The following DOCK3 variants were observed in gnomAD, a reference collection of about 807,000 sequenced individuals.
DOCK3 encodes dedicator of cytokinesis protein 3.
In DOCK3, 60 loss-of-function variants were observed where a neutral mutation model predicts 265.6. That is an observed-to-expected ratio of 0.23 (90% CI 0.18 to 0.28). The LOEUF (loss-of-function observed/expected upper bound fraction) is 0.28, where lower values mean the gene tolerates loss of function less well. DOCK3 is among the 10% of genes least tolerant of loss of function. DOCK3 has a pLI of 1.00. For missense variants in DOCK3, 1,981 were observed against 2,594.3 expected (o/e 0.76, Z 5.14); for synonymous variants, 881 against 938.0 (o/e 0.94, Z 1.11).
intron 5 of DOCK3, among the ~76,000 whole-genome samples, chr3:50,941,537 A>G (rs952943146): frequency 1.3e-5 from 2 of 152,118 alleles, no homozygotes; most frequent in South Asian, 2.1e-4. Flanking sequence ...TACTTAATAT[A>G]TGACCCAGCC....
chr3:51,251,943 A>G (rs141407684), intron 22 of DOCK3, among the ~76,000 whole-genome samples: 1,854 of 152,272 alleles, frequency 0.012, 30 homozygotes, highest in African/African-American at 0.042. Flanking sequence ...GCCCATGTCT[A>G]TGTCCTGAAT....
intron 4 of DOCK3, among the ~76,000 whole-genome samples, chr3:50,898,189 T>C (rs2048985486): frequency 6.6e-6 from 1 of 150,398 alleles, no homozygotes; most frequent in African/African-American, 2.5e-5. Context: ...ATTCGACTTC[T>C]TCCTGGTTTA....
chr3:50,949,937 C>T (rs2076544563), intron 5 of DOCK3, among the ~76,000 whole-genome samples: 1 of 150,754 alleles, frequency 6.6e-6, no homozygotes, highest in Non-Finnish European at 1.5e-5. Flanking sequence ...TTATCTCTTT[C>T]TACACTTTTG....
chr3:50,826,126 T>C (rs1282315370), intron 2 of DOCK3, among the ~76,000 whole-genome samples: 1 of 152,090 alleles, frequency 6.6e-6, no homozygotes, highest in Non-Finnish European at 1.5e-5. Flanking sequence ...CATTTCCTTA[T>C]AGATCTGTAT....
intron 10 of DOCK3, among the ~76,000 whole-genome samples, chr3:51,154,002 T>G (rs2085732729): frequency 6.6e-6 from 1 of 152,350 alleles, no homozygotes; most frequent in Middle Eastern, 3.4e-3. Flanking sequence ...GTCACTGACC[T>G]TGCTTATGGT....
At chr3:51,064,670 T>C in intron 6 of DOCK3, 74 bp downstream of exon 6, 1 of 1,532,454 alleles carries the variant, frequency 6.5e-7, no homozygotes, top group Non-Finnish European at 8.9e-7. Context: ...TTTGCACCTA[T>C]ACAAAGCTTC....
At chr3:50,773,061 A>T (rs1436574860) in intron 1 of DOCK3, among the ~76,000 whole-genome samples, 2 of 152,214 alleles carry the variant, frequency 1.3e-5, no homozygotes. Flanking sequence ...GTAGTATCCC[A>T]AACAGTGTGG....
At chr3:50,786,655 C>A in intron 2 of DOCK3, 1 of 611,282 alleles carries the variant, frequency 1.6e-6, no homozygotes, top group Non-Finnish European at 3.1e-6. Context: ...CTTACTCTGG[C>A]CTTTATGATT....
intron 5 of DOCK3, among the ~76,000 whole-genome samples, chr3:50,941,674 G>T (rs2076300131): frequency 6.6e-6 from 1 of 152,030 alleles, no homozygotes; most frequent in Non-Finnish European, 1.5e-5. Flanking sequence ...ATATCCTTCA[G>T]TAGGTGCATA....
rs559682045 is a variant in DOCK3 at position 51,097,699 on chromosome 3, C to T, written c.746+7315C>T. Among the ~76,000 whole-genome samples, 19 of 152,354 alleles carry T rather than the reference C, an allele frequency of 1.2e-4. No individual in the cohort carries two copies. In the East Asian group the frequency reaches 2.1e-3, roughly 17 times the overall value. On this transcript the variant is annotated intron_variant, in intron 9 of 52. Transcript: ENST00000266037. Reference sequence around the variant, plus strand: ...GCAGCTAGCTTGGTGTCTGCCCAAACGGCCGCCTAGTTTTGTGCTTGAAAT... The same window carrying T: ...GCAGCTAGCTTGGTGTCTGCCCAAATGGCCGCCTAGTTTTGTGCTTGAAAT...
chr3:50,725,338 A>G (rs1250173423), intron 1 of DOCK3, among the ~76,000 whole-genome samples: 1 of 152,214 alleles, frequency 6.6e-6, no homozygotes, highest in Admixed American at 6.5e-5. Context: ...GTGTATTATA[A>G]TCACTAAAGT....
intron 9 of DOCK3, among the ~76,000 whole-genome samples, chr3:51,130,078 GC>G (rs1204740972): frequency 6.6e-6 from 1 of 152,158 alleles, no homozygotes; most frequent in African/African-American, 2.4e-5. Flanking sequence ...ATCTCGACAA[GC>G]CCCACACCAC....
chr3:50,698,208 T>A (rs2035759752), intron 1 of DOCK3, among the ~76,000 whole-genome samples: 1 of 151,948 alleles, frequency 6.6e-6, no homozygotes, highest in African/African-American at 2.4e-5. Context: ...GGGCACCCCC[T>A]AATTGGCTTT....
At chr3:51,283,828 T>A (rs2081270214) in intron 27 of DOCK3, among the ~76,000 whole-genome samples, 1 of 152,060 alleles carries the variant, frequency 6.6e-6, no homozygotes, top group South Asian at 2.1e-4. Flanking sequence ...ATAGACTACA[T>A]GAAAAAGGTT....
intron 3 of DOCK3, among the ~76,000 whole-genome samples, chr3:50,860,151 A>G (rs565856146): frequency 2.2e-4 from 34 of 152,102 alleles, no homozygotes; most frequent in Non-Finnish European, 4.3e-4. Flanking sequence ...TCTGGTGATG[A>G]GCCATGGGGG....
At chr3:50,901,629 TG>T in intron 4 of DOCK3, 1 of 453,852 alleles carries the variant, frequency 2.2e-6, no homozygotes, top group Non-Finnish European at 4.4e-6. Flanking sequence ...TCCTGGTGTG[TG>T]GATTGCGAGG....
At chr3:51,261,756 AG>A (rs2079860623) in intron 23 of DOCK3, among the ~76,000 whole-genome samples, 1 of 152,252 alleles carries the variant, frequency 6.6e-6, no homozygotes. Flanking sequence ...CAGAGGCTTG[AG>A]TAGGCAGTTT....
chr3:50,782,457 ATTT>A (rs1271538376), intron 2 of DOCK3, among the ~76,000 whole-genome samples: 4 of 150,208 alleles, frequency 2.7e-5, no homozygotes, highest in Non-Finnish European at 5.9e-5. Context: ...CGCCCGGCTA[ATTT>A]TTTGTATTTT....
chr3:51,148,939 G>A (rs554737994), intron 10 of DOCK3, among the ~76,000 whole-genome samples: 17 of 152,122 alleles, frequency 1.1e-4, no homozygotes, highest in South Asian at 2.1e-4. Context: ...TGGGCAATAC[G>A]GCCATTTTCA....
Sources: allele counts gnomAD v4.1 joint callset (sites outside exome capture counted in the v4.1 genomes callset), GRCh38; gene constraint gnomAD v4.1.1; transcripts MANE v1.5; gene names NCBI Gene and HGNC (gene_info 2026-07-23, HGNC 2026-07-21).